Variants in LRP1B observed in about 807,000 individuals in gnomAD.
LRP1B encodes LDL receptor related protein 1B.
LRP1B carries 217 observed loss-of-function variants against 556.6 expected under a neutral mutation model. The observed-to-expected ratio is 0.39, with a 90% CI of 0.35 to 0.44. The LOEUF (loss-of-function observed/expected upper bound fraction) is 0.44, where lower values mean the gene tolerates loss of function less well. LRP1B is among the 20% of genes least tolerant of loss of function. The pLI is 1.00. For synonymous variants in LRP1B, 2,047 were observed against 1,865.8 expected (o/e 1.10, Z -2.50); for missense variants, 5,053 against 5,620.8 (o/e 0.90, Z 3.23).
intron 1 of LRP1B, among the ~76,000 whole-genome samples, chr2:142,069,642 C>T (rs1025418584): frequency 2.6e-5 from 4 of 151,644 alleles, no homozygotes; most frequent in South Asian, 2.1e-4. Context: ...CCATTAAATA[C>T]GACAAAGCAT....
chr2:140,966,674 A>G (rs564617688), intron 18 of LRP1B, among the ~76,000 whole-genome samples: 263 of 152,240 alleles, frequency 1.7e-3, no homozygotes, highest in Non-Finnish European at 2.7e-3. Flanking sequence ...TTATGGTTTT[A>G]AGTCTAAGAT....
intron 20 of LRP1B, among the ~76,000 whole-genome samples, chr2:140,937,188 G>A (rs78263360): frequency 0.037 from 5,653 of 151,986 alleles, 159 homozygotes; most frequent in South Asian, 0.093. Flanking sequence ...CAGGAATTGA[G>A]GAACAAAAAG....
intron 83 of LRP1B, among the ~76,000 whole-genome samples, chr2:140,306,953 G>T (rs993955968): frequency 6.6e-6 from 1 of 151,738 alleles, no homozygotes; most frequent in Non-Finnish European, 1.5e-5. Flanking sequence ...ATATTATTAA[G>T]GTCTATATTT....
chr2:140,332,778 G>A (rs650706), intron 79 of LRP1B, among the ~76,000 whole-genome samples: 7 of 151,844 alleles, frequency 4.6e-5, no homozygotes, highest in South Asian at 2.1e-4. Flanking sequence ...TACAACTACC[G>A]TCATAAATGA....
chr2:141,049,159 T>G lies in LRP1B; in HGVS notation c.1616A>C (p.Asp539Ala), dbSNP rs770030112. 2 of 1,613,578 alleles carry G rather than the reference T, an allele frequency of 1.2e-6. No individual in the cohort carries two copies. Among genetic ancestry groups the G allele is most frequent in the Non-Finnish European group, 1.7e-6 (2 of 1,179,702 alleles). ...KGRPGIVRGM[D>A]LNTKIADEYM... ...TTCATCAGCTATCTTGGTATTCAAG[T>G]CCATTCCTCTAACAATTCCTGGGCG... The change falls in exon 11 of 91, where the codon GAC becomes GCC. Residue 539 changes from aspartate (D) to alanine (A), a missense_variant. This residue lies in a region of LRP1B where 3,619 missense variants were observed against 3,931.9 expected (regional missense o/e 0.92). Coordinates refer to ENST00000389484, the MANE Select transcript of LRP1B (RefSeq NM_018557.3).
chr2:141,388,326 C>G (rs536038285), intron 3 of LRP1B, among the ~76,000 whole-genome samples: 3 of 152,200 alleles, frequency 2.0e-5, no homozygotes, highest in African/African-American at 7.2e-5. Flanking sequence ...ATCCCAGCTA[C>G]TTGGGAGGCT....
chr2:141,352,021 A>G (rs939756678), intron 3 of LRP1B, among the ~76,000 whole-genome samples: 1 of 151,924 alleles, frequency 6.6e-6, no homozygotes, highest in African/African-American at 2.4e-5. Context: ...ACCATGGAGA[A>G]AAGACTTTTG....
chr2:140,871,357 ATAAATATT>A (rs776269639), intron 25 of LRP1B, among the ~76,000 whole-genome samples: 1 of 152,074 alleles, frequency 6.6e-6, no homozygotes, highest in Non-Finnish European at 1.5e-5. Context: ...TTGATAGAGA[ATAAATATT>A]TTTTAAAGGA....
intron 17 of LRP1B, among the ~76,000 whole-genome samples, chr2:140,984,106 C>T (rs1034705923): frequency 8.6e-5 from 13 of 151,684 alleles, no homozygotes; most frequent in African/African-American, 3.1e-4. Context: ...TACACAAAAT[C>T]TAATGTCATT....
chr2:140,851,667 T>G lies in LRP1B; in HGVS notation c.4696A>C (p.Lys1566Gln). 1 of 1,609,890 alleles carries G rather than the reference T, an allele frequency of 6.2e-7. No individual in the cohort carries two copies. The highest frequency in any genetic ancestry group is 8.5e-7 in the Non-Finnish European group (1 of 1,178,554). ...AGAAATTTACCATAGCAGGTCTTCT[T>G]GTCTGAAGAAAGCTTCATCAAGTGG... ...CPHLMKLSSD[K>Q]KTCYEMKKFL... Residue 1566 changes from lysine (K) to glutamine (Q), a missense_variant, in exon 28 of 91, where the codon AAG becomes CAG. Transcript: ENST00000389484.
chr2:141,152,351 C>A (rs1440610271), intron 7 of LRP1B, among the ~76,000 whole-genome samples: 1 of 151,796 alleles, frequency 6.6e-6, no homozygotes, highest in Non-Finnish European at 1.5e-5. Context: ...TTTCTCTAAA[C>A]CGAACTAACT....
In LRP1B at chr2:140,323,924, A is replaced by T. The variant is rs2105059044; in HGVS notation, c.12483T>A (p.Val4161=). The T allele has an allele frequency of 6.3e-7, 1 of 1,579,458 alleles. No individual in the cohort carries two copies. The highest frequency in any genetic ancestry group is 8.7e-7 in the Non-Finnish European group (1 of 1,149,942). The part of the protein sequence containing the change: ...LALNIDKTKG[V]LISHRYKQLD... Reference sequence around the variant, plus strand: ...GTTGTTTATAACGATGAGATATCAAAACACCTTTTGTTTTATCAATATTTA... The same window carrying T: ...GTTGTTTATAACGATGAGATATCAATACACCTTTTGTTTTATCAATATTTA... Residue 4161 remains valine (V), a synonymous_variant, in exon 81 of 91, where the codon GTT becomes GTA. Coordinates refer to ENST00000389484, the MANE Select transcript of LRP1B (RefSeq NM_018557.3).
At position 140,450,465 on chromosome 2, in the gene LRP1B, G is replaced by A. The variant is rs1686837972; in HGVS notation, c.10057+103C>T. ...TTAAAATTTTTCTATTTCAATTTTG[G>A]AAAAGTGTCAGAAGGCAATACTTTA... is the stretch of plus-strand genomic sequence containing the variant. On this transcript the variant is annotated intron_variant, in intron 63 of 90. Transcript: ENST00000389484. 3.4e-6 allele frequency: 3 copies of A among 871,274 alleles called. No homozygotes were observed. In the South Asian group the frequency reaches 4.6e-5, roughly 13 times the overall value. 54.0% of individuals were successfully genotyped at this position (871,274 alleles called of 1,614,324 possible).
intron 3 of LRP1B, among the ~76,000 whole-genome samples, chr2:141,468,473 T>C (rs1682328817): frequency 6.6e-6 from 1 of 152,190 alleles, no homozygotes; most frequent in African/African-American, 2.4e-5. Flanking sequence ...ATACACACAG[T>C]CTATATACAC....
At chr2:141,871,836 A>G (rs1036527304) in intron 1 of LRP1B, among the ~76,000 whole-genome samples, 4 of 152,006 alleles carry the variant, frequency 2.6e-5, no homozygotes, top group African/African-American at 9.7e-5. Flanking sequence ...AGAAGAGGAA[A>G]TAAGACCACC....
chr2:142,058,216 C>A (rs757929867), intron 1 of LRP1B, among the ~76,000 whole-genome samples: 35 of 152,110 alleles, frequency 2.3e-4, no homozygotes, highest in Non-Finnish European at 4.4e-4. Context: ...CTGTTCTGCC[C>A]CACTGATGAA....
intron 2 of LRP1B, among the ~76,000 whole-genome samples, chr2:141,495,158 C>T (rs978184954): frequency 6.6e-6 from 1 of 151,982 alleles, no homozygotes; most frequent in Admixed American, 6.6e-5. Flanking sequence ...GTAAACATTT[C>T]CCTCATCACT....
chr2:141,318,562 G>T (rs1420248290), intron 3 of LRP1B, among the ~76,000 whole-genome samples: 2 of 152,010 alleles, frequency 1.3e-5, no homozygotes, highest in Admixed American at 6.6e-5. Context: ...GTCTCTTTCA[G>T]ACTGGCTTTC....
chr2:141,044,785 G>A (rs1037050008), intron 11 of LRP1B, among the ~76,000 whole-genome samples: 9 of 148,804 alleles, frequency 6.0e-5, no homozygotes, highest in Non-Finnish European at 9.0e-5. Context: ...TGCTGGAGAG[G>A]ATGTGGAGAA....
Sources: allele counts gnomAD v4.1 joint callset (sites outside exome capture counted in the v4.1 genomes callset), GRCh38; gene constraint gnomAD v4.1.1; regional missense constraint gnomAD v4.1.1; transcripts MANE v1.5; gene names NCBI Gene and HGNC (gene_info 2026-07-23, HGNC 2026-07-21).